KCNAB1: variants seen among roughly 807,000 people sequenced by gnomAD.
The protein encoded by KCNAB1 is potassium voltage-gated channel subfamily A regulatory beta subunit 1.
Under a neutral mutation model 64.6 loss-of-function variants are expected in KCNAB1, and 35 were observed. The observed-to-expected ratio is 0.54, with a 90% CI of 0.41 to 0.72. The LOEUF (loss-of-function observed/expected upper bound fraction) is 0.72, where lower values mean the gene tolerates loss of function less well. KCNAB1 is among the 30% of genes least tolerant of loss of function. KCNAB1 has a pLI of 0.00. For missense variants in KCNAB1, 401 were observed against 512.9 expected (o/e 0.78, Z 2.11); for synonymous variants, 177 against 183.8 (o/e 0.96, Z 0.30).
At chr3:156,342,534 G>T (rs1346122460) in intron 1 of KCNAB1, among the ~76,000 whole-genome samples, 1 of 150,980 alleles carries the variant, frequency 6.6e-6, no homozygotes, top group African/African-American at 2.4e-5. Context: ...CATTGAACTG[G>T]CTGGAAATGG....
intron 5 of KCNAB1, among the ~76,000 whole-genome samples, chr3:156,463,455 T>C (rs1713091159): frequency 6.6e-6 from 1 of 152,136 alleles, no homozygotes; most frequent in African/African-American, 2.4e-5. Context: ...ATCACTGCCC[T>C]CCACCTCCTC....
At chr3:156,356,410 T>G (rs1289201040) in intron 1 of KCNAB1, among the ~76,000 whole-genome samples, 1 of 152,038 alleles carries the variant, frequency 6.6e-6, no homozygotes, top group Admixed American at 6.5e-5. Context: ...AAGAACTTAT[T>G]TAAGGTTTAA....
intron 1 of KCNAB1, among the ~76,000 whole-genome samples, chr3:156,357,179 A>C (rs1287766390): frequency 6.6e-6 from 1 of 152,102 alleles, no homozygotes; most frequent in Non-Finnish European, 1.5e-5. Flanking sequence ...ACACACACAC[A>C]CACACACCCC....
At chr3:156,422,693 A>G (rs908730785) in intron 2 of KCNAB1, among the ~76,000 whole-genome samples, 3 of 152,224 alleles carry the variant, frequency 2.0e-5, no homozygotes, top group African/African-American at 4.8e-5. Flanking sequence ...AGAGCTAGAT[A>G]TATTAACTTG....
At chr3:156,342,585 CTTTTTTTTTTT>C (rs60982892) in intron 1 of KCNAB1, among the ~76,000 whole-genome samples, 2 of 86,254 alleles carry the variant, frequency 2.3e-5, no homozygotes, top group East Asian at 3.8e-4. Flanking sequence ...CTATGTGTTT[CTTTTTTTTTTT>C]TTTTTTTTTT....
intron 1 of KCNAB1, among the ~76,000 whole-genome samples, chr3:156,222,208 A>T (rs1274941103): frequency 2.0e-5 from 3 of 152,156 alleles, no homozygotes; most frequent in Admixed American, 6.5e-5. Context: ...GACTCACGTA[A>T]ACTTAAGGTA....
At chr3:156,276,434 G>A (rs1249209859) in intron 1 of KCNAB1, among the ~76,000 whole-genome samples, 1 of 152,124 alleles carries the variant, frequency 6.6e-6, no homozygotes, top group Non-Finnish European at 1.5e-5. Context: ...TATTAAGAGA[G>A]TCAGCCTGTC....
chr3:156,202,012 A>G (rs1340280826), intron 1 of KCNAB1, among the ~76,000 whole-genome samples: 10 of 152,178 alleles, frequency 6.6e-5, no homozygotes, highest in Non-Finnish European at 8.8e-5. Flanking sequence ...CAGGTCAGAC[A>G]GGGCTCATCT....
chr3:156,477,205 T>C (rs1714430260), intron 8 of KCNAB1, among the ~76,000 whole-genome samples: 1 of 152,192 alleles, frequency 6.6e-6, no homozygotes, highest in Non-Finnish European at 1.5e-5. Flanking sequence ...AAATAATTGC[T>C]GCTGCCCAGT....
At position 156,206,830 on chromosome 3, in the gene KCNAB1, C is replaced by A. The variant is rs546486664; in HGVS notation, c.275+85944C>A. On this transcript the variant is annotated intron_variant, in intron 1 of 13. Transcript: ENST00000490337. ...GCTCTGATATTTTTAGATTTCAATC[C>A]TTTTGTATTTTATTTCTTGGAAAAA... is the stretch of plus-strand genomic sequence containing the variant. 4.6e-5 allele frequency among the ~76,000 whole-genome samples: 7 copies of A among 152,122 alleles called. No homozygotes were observed. The South Asian group carries it at 1.5e-3, about 32-fold the overall frequency.
chr3:156,201,038 T>C (rs940049072), intron 1 of KCNAB1, among the ~76,000 whole-genome samples: 1 of 152,122 alleles, frequency 6.6e-6, no homozygotes, highest in African/African-American at 2.4e-5. Context: ...GATAGCACAG[T>C]CTCTCACGGC....
intron 13 of KCNAB1, chr3:156,536,424 G>A (rs908807): frequency 0.8 from 358,387 of 447,700 alleles, 143,964 homozygotes; most frequent in East Asian, 0.89. Context: ...GAGCTGCTCT[G>A]TATTTCTATG....
chr3:156,491,187 G>C (rs867379026), intron 8 of KCNAB1, among the ~76,000 whole-genome samples: 1 of 152,082 alleles, frequency 6.6e-6, no homozygotes, highest in Non-Finnish European at 1.5e-5. Context: ...AAGCCACAAA[G>C]TGGAAGCCAT....
Position 156,178,916 on chromosome 3 carries a change from G to C in KCNAB1, c.275+58030G>C, listed in dbSNP as rs528173255. ...CTTGGGAGGCTGAGGCAGGAGAATG[G>C]CATGAACCTGGGAGGCGGAGCTTGC... On this transcript the variant is annotated intron_variant, in intron 1 of 13. Coordinates refer to ENST00000490337, the MANE Select transcript of KCNAB1 (RefSeq NM_172160.3). Among the ~76,000 whole-genome samples the C allele has an allele frequency of 3.1e-3, 462 of 147,740 alleles. 2 individuals carry two copies. Among genetic ancestry groups the C allele is most frequent in the African/African-American group, 0.011 (431 of 39,278 alleles).
At chr3:156,180,864 A>G (rs1308578106) in intron 1 of KCNAB1, among the ~76,000 whole-genome samples, 3 of 152,200 alleles carry the variant, frequency 2.0e-5, no homozygotes, top group African/African-American at 4.8e-5. Context: ...GATGTACATT[A>G]GTTTGTTTGG....
chr3:156,207,650 A>G (rs758096421), intron 1 of KCNAB1, among the ~76,000 whole-genome samples: 2 of 152,206 alleles, frequency 1.3e-5, no homozygotes, highest in African/African-American at 2.4e-5. Flanking sequence ...AGATTGGTGG[A>G]AGAATAGAAT....
chr3:156,427,039 A>T (rs995172606), intron 2 of KCNAB1, among the ~76,000 whole-genome samples: 3 of 152,200 alleles, frequency 2.0e-5, no homozygotes, highest in African/African-American at 7.2e-5. Context: ...GTGGTATGAA[A>T]GATGTAGAGG....
At chr3:156,483,144 C>T (rs1423616511) in intron 8 of KCNAB1, among the ~76,000 whole-genome samples, 1 of 152,014 alleles carries the variant, frequency 6.6e-6, no homozygotes, top group Non-Finnish European at 1.5e-5. Flanking sequence ...TGACCTTCTC[C>T]GTGGTGTGAT....
intron 1 of KCNAB1, among the ~76,000 whole-genome samples, chr3:156,258,170 G>A (rs1718212358): frequency 6.6e-6 from 1 of 152,154 alleles, no homozygotes; most frequent in African/African-American, 2.4e-5. Context: ...ACTGTGACTT[G>A]GGAAATGGAA....
Sources: allele counts gnomAD v4.1 joint callset (sites outside exome capture counted in the v4.1 genomes callset), GRCh38; gene constraint gnomAD v4.1.1; transcripts MANE v1.5; gene names NCBI Gene and HGNC (gene_info 2026-07-23, HGNC 2026-07-21).